ASXL2: variants seen among roughly 807,000 people sequenced by gnomAD.
ASXL2 encodes the protein ASXL transcriptional regulator 2, also known as putative Polycomb group protein ASXL2.
In ASXL2, 23 loss-of-function variants were observed where a neutral mutation model predicts 122.0. That is an observed-to-expected ratio of 0.19 (90% CI 0.14 to 0.27). ASXL2 has a LOEUF of 0.27. Ranked by LOEUF, ASXL2 falls within the 10% of genes least tolerant of loss-of-function variation. The pLI, the probability that ASXL2 is intolerant of heterozygous loss-of-function variation, is 1.00. For missense variants in ASXL2, 1,518 were observed against 1,713.8 expected (o/e 0.89, Z 2.02); for synonymous variants, 650 against 637.0 (o/e 1.02, Z -0.31).
chr2:25,865,774 CAAAAAAA>C (rs61021417), intron 1 of ASXL2, among the ~76,000 whole-genome samples: 8 of 55,550 alleles, frequency 1.4e-4, no homozygotes, highest in Admixed American at 6.1e-4. Context: ...GACTCCGTCT[CAAAAAAA>C]AAAAAAAAAA....
At position 25,738,040 on chromosome 2, in the gene ASXL2, T is replaced by C. The variant is rs1390639718; in HGVS notation, c.*3989A>G. 3 of 152,168 alleles carry C rather than the reference T, an allele frequency of 2.0e-5. No individual in the cohort carries two copies. The highest frequency in any genetic ancestry group is 7.2e-5 in the African/African-American group (3 of 41,450). 9.4% of individuals were successfully genotyped at this position (152,168 alleles called of 1,614,324 possible). On this transcript the variant is annotated 3_prime_UTR_variant, in exon 13 of 13. Coordinates refer to ENST00000435504, the MANE Select transcript of ASXL2 (RefSeq NM_018263.6). ...TAAACCCCAAAACTATTCCCCTTAT[T>C]GCATTTTTCTGAAATAATCTGAGTG...
intron 1 of ASXL2, among the ~76,000 whole-genome samples, chr2:25,854,680 G>A (rs951913979): frequency 2.0e-5 from 3 of 152,202 alleles, no homozygotes; most frequent in African/African-American, 7.2e-5. Flanking sequence ...ATGGAAAAGA[G>A]AAATAGGGGC....
intron 4 of ASXL2, among the ~76,000 whole-genome samples, chr2:25,800,879 A>G (rs1457903569): frequency 6.6e-6 from 1 of 152,212 alleles, no homozygotes; most frequent in African/African-American, 2.4e-5. Flanking sequence ...TGTTTACATA[A>G]TATATAAAAA....
At chr2:25,865,657 C>T (rs956733599) in intron 1 of ASXL2, among the ~76,000 whole-genome samples, 4 of 149,674 alleles carry the variant, frequency 2.7e-5, no homozygotes, top group African/African-American at 9.8e-5. Context: ...CGCCTGTAGT[C>T]CCAGCTACTT....
At chr2:25,812,796 A>G (rs555598919) in intron 3 of ASXL2, among the ~76,000 whole-genome samples, 22 of 152,326 alleles carry the variant, frequency 1.4e-4, no homozygotes, top group African/African-American at 5.1e-4. Context: ...TGACTATGAT[A>G]ATAAAGTAAC....
At chr2:25,868,989 A>AC (rs1161037148) in intron 1 of ASXL2, among the ~76,000 whole-genome samples, 1 of 151,884 alleles carries the variant, frequency 6.6e-6, no homozygotes, top group Non-Finnish European at 1.5e-5. Context: ...ACATGGTGAA[A>AC]CCCCACCTCT....
At chr2:25,858,511 T>C (rs892268475) in intron 1 of ASXL2, among the ~76,000 whole-genome samples, 27 of 151,464 alleles carry the variant, frequency 1.8e-4, no homozygotes, top group African/African-American at 6.3e-4. Flanking sequence ...GATCATGAGG[T>C]CAAGAGATGG....
Position 25,738,220 on chromosome 2 carries a change from T to A in ASXL2, c.*3809A>T, listed in dbSNP as rs1040493761. On this transcript the variant is annotated 3_prime_UTR_variant, in exon 13 of 13. Coordinates refer to ENST00000435504, the MANE Select transcript of ASXL2 (RefSeq NM_018263.6). ...AAATATATTACTGGAAAGCTATTTT[T>A]AAAATTGATCTTCAATAGTTGTATC... is the stretch of plus-strand genomic sequence containing the variant. The A allele has an allele frequency of 1.3e-5, 2 of 152,150 alleles. No homozygotes were observed. Among genetic ancestry groups the A allele is most frequent in the Non-Finnish European group, 2.9e-5 (2 of 68,012 alleles). 9.4% of individuals were successfully genotyped at this position (152,150 alleles called of 1,614,324 possible).
At position 25,761,754 on chromosome 2, in the gene ASXL2, G is replaced by A. The variant is rs114890717; in HGVS notation, c.776-2109C>T. 2.4e-3 allele frequency among the ~76,000 whole-genome samples: 356 copies of A among 151,024 alleles called. 2 individuals carry two copies. The highest frequency in any genetic ancestry group is 8.2e-3 in the African/African-American group (339 of 41,214). On this transcript the variant is annotated intron_variant, in intron 8 of 12. Transcript: ENST00000435504. ...ATTTGGAATAAGGTAGATAATATCT[G>A]TAAAATGCTGACAGAAAATAACCAC...
chr2:25,792,830 T>G (rs1167137528), intron 5 of ASXL2, among the ~76,000 whole-genome samples: 1 of 152,022 alleles, frequency 6.6e-6, no homozygotes, highest in Non-Finnish European at 1.5e-5. Context: ...GGTCTTGAAC[T>G]CCTTAACTCA....
At chr2:25,823,404 A>G (rs2089335626) in intron 3 of ASXL2, among the ~76,000 whole-genome samples, 1 of 152,224 alleles carries the variant, frequency 6.6e-6, no homozygotes, top group African/African-American at 2.4e-5. Flanking sequence ...GTAACCTGCT[A>G]TTCCTCTGGT....
intron 8 of ASXL2, among the ~76,000 whole-genome samples, chr2:25,766,245 A>G (rs1159302027): frequency 2.0e-5 from 3 of 152,174 alleles, no homozygotes; most frequent in Non-Finnish European, 4.4e-5. Context: ...GATCTTTAAA[A>G]AAAAACATGC....
In ASXL2 at chr2:25,742,556, G is replaced by C; in HGVS notation, c.3781C>G (p.Leu1261Val). ...GCTGCCTGAATTAAATCTCTGGCTAGGGTCTTTTCATCAAATGTTTGGCCT... is the reference window on the plus strand; with the variant it reads ...GCTGCCTGAATTAAATCTCTGGCTACGGTCTTTTCATCAAATGTTTGGCCT... ...TRGQTFDEKTLARDLIQAAQK... is the reference protein window; with the variant it reads ...TRGQTFDEKTVARDLIQAAQK... Residue 1261 changes from leucine to valine, a missense_variant, in exon 13 of 13, where the codon CTA (leucine) becomes GTA (valine). Transcript: ENST00000435504. 6.2e-7 allele frequency: 1 copy of C among 1,613,956 alleles called. No homozygotes were observed. The highest frequency in any genetic ancestry group is 8.5e-7 in the Non-Finnish European group (1 of 1,179,886).
chr2:25,875,945 G>T (rs2090006485), intron 1 of ASXL2, among the ~76,000 whole-genome samples: 1 of 151,354 alleles, frequency 6.6e-6, no homozygotes, highest in Non-Finnish European at 1.5e-5. Context: ...ATGTACCTTT[G>T]CCCGGTCCTT....
At chr2:25,786,750 A>G (rs72799691) in intron 5 of ASXL2, among the ~76,000 whole-genome samples, 2,999 of 152,178 alleles carry the variant, frequency 0.02, 46 homozygotes, top group Non-Finnish European at 0.03. Flanking sequence ...GCTACTCAGG[A>G]GGCCAAGGCA....
rs747322922 is a variant in ASXL2, at chr2:25,756,001, T to C, written c.1036+17A>G. On this transcript the variant is annotated intron_variant, in intron 10 of 12. Transcript: ENST00000435504. ...GTGCACACACCACCTGGGAGACACA[T>C]TAAGTAGAGCACTTACCTTCTGAGA... is the stretch of plus-strand genomic sequence containing the variant. The C allele has an allele frequency of 8.7e-6, 14 of 1,601,420 alleles. No individual in the cohort carries two copies. The East Asian group carries it at 2.5e-4, about 28-fold the overall frequency.
At chr2:25,858,209 A>G (rs2089803046) in intron 1 of ASXL2, among the ~76,000 whole-genome samples, 1 of 152,198 alleles carries the variant, frequency 6.6e-6, no homozygotes, top group Non-Finnish European at 1.5e-5. Flanking sequence ...GCTTACAGAT[A>G]CAAACAACTG....
At chr2:25,761,103 C>T (rs1416529190) in intron 8 of ASXL2, among the ~76,000 whole-genome samples, 1 of 151,890 alleles carries the variant, frequency 6.6e-6, no homozygotes, top group Non-Finnish European at 1.5e-5. Flanking sequence ...AGAGGTTTAG[C>T]AAAAACATAA....
intron 9 of ASXL2, among the ~76,000 whole-genome samples, chr2:25,757,374 C>T (rs980293764): frequency 6.6e-6 from 1 of 151,342 alleles, no homozygotes; most frequent in African/African-American, 2.4e-5. Context: ...CGCGGTGGCT[C>T]ACATCTGTAA....
Sources: gnomAD v4.1 joint callset for allele counts (sites outside exome capture counted in the v4.1 genomes callset) on GRCh38, gnomAD v4.1.1 for gene constraint, MANE v1.5 for transcripts, NCBI Gene and HGNC (gene_info 2026-07-23, HGNC 2026-07-21) for gene names.